FHOD3: variants seen among roughly 807,000 people sequenced by gnomAD.
FHOD3 encodes formin homology 2 domain containing 3.
A neutral mutation model predicts 173.0 loss-of-function variants in FHOD3; 90 were observed. That is an observed-to-expected ratio of 0.52 (90% CI 0.44 to 0.62). The LOEUF (loss-of-function observed/expected upper bound fraction) is 0.62. FHOD3 is among the 20% of genes least tolerant of loss of function. The pLI is 0.00. For synonymous variants in FHOD3, 828 were observed against 823.0 expected, an observed-to-expected ratio of 1.01 and a Z score of -0.10; for missense variants, 1,945 against 2,034.7, an observed-to-expected ratio of 0.96 and a Z score of 0.85.
At chr18:36,340,469 T>C (rs1299088226) in intron 1 of FHOD3, among the ~76,000 whole-genome samples, 2 of 152,140 alleles carry the variant, frequency 1.3e-5, no homozygotes, top group Non-Finnish European at 2.9e-5. Flanking sequence ...ACACTAGGCC[T>C]AATTATTCCA....
At chr18:36,644,726 C>T (rs1239515618) in intron 10 of FHOD3, among the ~76,000 whole-genome samples, 1 of 152,194 alleles carries the variant, frequency 6.6e-6, no homozygotes, top group Admixed American at 6.5e-5. Context: ...AGACAAAGTG[C>T]TTTTACATAT....
At chr18:36,490,799 TGAAAGAAG>T (rs1249174190) in intron 3 of FHOD3, among the ~76,000 whole-genome samples, 2 of 152,194 alleles carry the variant, frequency 1.3e-5, no homozygotes, top group African/African-American at 4.8e-5. Flanking sequence ...AGTGATTGTT[TGAAAGAAG>T]GAAAGACAGG....
At chr18:36,680,181 G>T (rs983077032) in intron 14 of FHOD3, among the ~76,000 whole-genome samples, 1 of 152,148 alleles carries the variant, frequency 6.6e-6, no homozygotes, top group Non-Finnish European at 1.5e-5. Context: ...CCTCCCTGTA[G>T]CTGCCAGGGA....
At chr18:36,310,532 C>A (rs757015217) in intron 1 of FHOD3, among the ~76,000 whole-genome samples, 1 of 151,674 alleles carries the variant, frequency 6.6e-6, no homozygotes, top group Non-Finnish European at 1.5e-5. Context: ...CTAAAAAGTA[C>A]AAAAATTAGC....
At chr18:36,499,267 C>T (rs1296197829) in intron 3 of FHOD3, among the ~76,000 whole-genome samples, 1 of 152,078 alleles carries the variant, frequency 6.6e-6, no homozygotes, top group African/African-American at 2.4e-5. Context: ...CCATGCCTGG[C>T]AAATTTTTGT....
chr18:36,507,090 G>A (rs193209376), intron 4 of FHOD3, among the ~76,000 whole-genome samples: 11 of 150,892 alleles, frequency 7.3e-5, no homozygotes, highest in African/African-American at 2.7e-4. Context: ...TTGTATAAAT[G>A]GCATGTCATG....
At chr18:36,664,886 C>T (rs1380378436) in intron 14 of FHOD3, among the ~76,000 whole-genome samples, 2 of 151,626 alleles carry the variant, frequency 1.3e-5, no homozygotes, top group Non-Finnish European at 2.9e-5. Flanking sequence ...CCTATAATCC[C>T]AGCACTTTGG....
At position 36,339,031 on chromosome 18, in the gene FHOD3, G is replaced by T. The variant is rs557048320; in HGVS notation, c.166-16508G>T. Among the ~76,000 whole-genome samples the T allele has an allele frequency of 2.0e-4, 31 of 152,232 alleles. 1 individual carries two copies. In the South Asian group the frequency reaches 5.8e-3, roughly 28 times the overall value. The stretch of plus-strand genomic sequence containing the variant: ...ACTTCTGCTCTCCCCCTGCCCAGGG[G>T]AGATGAAGTGGTGGTGTCTCTGTCA... On this transcript the variant is annotated intron_variant, in intron 1 of 28. Coordinates refer to ENST00000590592, the MANE Select transcript of FHOD3 (RefSeq NM_001281740.3).
chr18:36,465,054 G>A (rs774395476), intron 3 of FHOD3, among the ~76,000 whole-genome samples: 2 of 152,142 alleles, frequency 1.3e-5, no homozygotes, highest in African/African-American at 2.4e-5. Context: ...ATGGCTGGGC[G>A]CTGTGGCTCA....
At chr18:36,324,577 G>A (rs2044570569) in intron 1 of FHOD3, among the ~76,000 whole-genome samples, 1 of 152,190 alleles carries the variant, frequency 6.6e-6, no homozygotes, top group African/African-American at 2.4e-5. Flanking sequence ...ATGGGGAAGA[G>A]ACTTGAATAG....
chr18:36,421,244 G>A (rs573754568), intron 3 of FHOD3, among the ~76,000 whole-genome samples: 4 of 152,180 alleles, frequency 2.6e-5, no homozygotes, highest in Non-Finnish European at 4.4e-5. Flanking sequence ...TGATAGTCAC[G>A]TGTAGGGAAA....
chr18:36,329,997 A>T (rs1695103342), intron 1 of FHOD3, among the ~76,000 whole-genome samples: 1 of 152,210 alleles, frequency 6.6e-6, no homozygotes, highest in Non-Finnish European at 1.5e-5. Context: ...CAGGTCTACC[A>T]GGGAAGGTGT....
At chr18:36,531,216 A>C (rs1028138256) in intron 5 of FHOD3, among the ~76,000 whole-genome samples, 4 of 152,188 alleles carry the variant, frequency 2.6e-5, no homozygotes, top group African/African-American at 9.7e-5. Context: ...CATCATGAAC[A>C]GAAGGAAGAC....
At chr18:36,726,902 T>C (rs1346594433) in intron 19 of FHOD3, among the ~76,000 whole-genome samples, 1 of 152,180 alleles carries the variant, frequency 6.6e-6, no homozygotes, top group Non-Finnish European at 1.5e-5. Context: ...CTCGATCTCT[T>C]GACCTCGTGA....
At chr18:36,642,785 C>G (rs2035421859) in intron 10 of FHOD3, among the ~76,000 whole-genome samples, 1 of 152,056 alleles carries the variant, frequency 6.6e-6, no homozygotes, top group Non-Finnish European at 1.5e-5. Context: ...TTACTTCTAA[C>G]TTCCATCTCT....
chr18:36,730,822 A>G lies in FHOD3; in HGVS notation c.3576+18A>G. ...GAATCGAGGTGAGGGAAGCTCTATT[A>G]AGCATTATTTGTATTTTATCTTATA... is the stretch of plus-strand genomic sequence containing the variant. On this transcript the variant is annotated intron_variant, in intron 20 of 28. Transcript: ENST00000590592. 6.2e-7 allele frequency: 1 copy of G among 1,611,386 alleles called. No homozygotes were observed. Among genetic ancestry groups the G allele is most frequent in the Non-Finnish European group, 8.5e-7 (1 of 1,178,748 alleles).
At chr18:36,435,687 G>T (rs2050776381) in intron 3 of FHOD3, among the ~76,000 whole-genome samples, 2 of 152,170 alleles carry the variant, frequency 1.3e-5, no homozygotes, top group Non-Finnish European at 2.9e-5. Context: ...AACAAATGGA[G>T]TCAGTAAGGA....
intron 24 of FHOD3, among the ~76,000 whole-genome samples, chr18:36,748,740 G>C (rs1413421071): frequency 6.6e-6 from 1 of 152,108 alleles, no homozygotes; most frequent in African/African-American, 2.4e-5. Flanking sequence ...GTGGTACCCG[G>C]AAGTGGCCAG....
intron 5 of FHOD3, among the ~76,000 whole-genome samples, chr18:36,562,461 G>A (rs2058121503): frequency 6.6e-6 from 1 of 152,212 alleles, no homozygotes; most frequent in Non-Finnish European, 1.5e-5. Flanking sequence ...ATTTAAAAAT[G>A]TTTAAAGAGT....
Sources: gnomAD v4.1 joint callset for allele counts (sites outside exome capture counted in the v4.1 genomes callset) on GRCh38, gnomAD v4.1.1 for gene constraint, MANE v1.5 for transcripts, NCBI Gene and HGNC (gene_info 2026-07-23, HGNC 2026-07-21) for gene names.